The following NEBL variants were observed in gnomAD, a reference collection of about 807,000 sequenced individuals.
NEBL encodes nebulette, also known as LIM and SH3 protein 2.
A neutral mutation model predicts 140.2 loss-of-function variants in NEBL; 122 were observed. The observed-to-expected ratio is 0.87, with a 90% CI of 0.75 to 1.01. The LOEUF is 1.01. NEBL is among the 50% of genes least tolerant of loss of function. The pLI, the probability that NEBL is intolerant of heterozygous loss-of-function variation, is 0.00. For missense variants in NEBL, 1,365 were observed against 1,231.3 expected (o/e 1.11, Z -1.62); for synonymous variants, 436 against 398.9 (o/e 1.09, Z -1.11).
chr10:21,121,600 C>G (rs1377345379), intron 2 of NEBL, among the ~76,000 whole-genome samples: 1 of 152,160 alleles, frequency 6.6e-6, no homozygotes, highest in Non-Finnish European at 1.5e-5. Flanking sequence ...GAATCACTAT[C>G]AAGTTAGAAA....
At chr10:20,839,371 C>T (rs1360704995) in intron 13 of NEBL, among the ~76,000 whole-genome samples, 3 of 152,098 alleles carry the variant, frequency 2.0e-5, no homozygotes, top group Admixed American at 6.5e-5. Flanking sequence ...AATGTGATGA[C>T]AATGTTAGCC....
chr10:21,194,425 A>G (rs1286034740), intron 3 of NEBL, among the ~76,000 whole-genome samples: 1 of 152,228 alleles, frequency 6.6e-6, no homozygotes, highest in Admixed American at 6.5e-5. Context: ...ATTAAATCAT[A>G]GAGACTTTGA....
At chr10:20,921,815 A>G (rs2131502235) in intron 4 of NEBL, among the ~76,000 whole-genome samples, 1 of 152,056 alleles carries the variant, frequency 6.6e-6, no homozygotes, top group Admixed American at 6.6e-5. Flanking sequence ...ACACATGCAC[A>G]CCCCCACACA....
intron 3 of NEBL, among the ~76,000 whole-genome samples, chr10:21,213,380 G>C (rs1178415090): frequency 6.6e-6 from 1 of 152,130 alleles, no homozygotes; most frequent in African/African-American, 2.4e-5. Flanking sequence ...ATGTAGAGCT[G>C]GTTGAGTGCA....
intron 26 of NEBL, among the ~76,000 whole-genome samples, chr10:20,796,871 G>A (rs1251633017): frequency 6.6e-6 from 1 of 152,136 alleles, no homozygotes; most frequent in South Asian, 2.1e-4. Flanking sequence ...TATTCTCATG[G>A]CACAAAATCC....
Position 20,831,528 on chromosome 10 carries a change from C to T in NEBL, c.1505G>A (p.Ser502Asn). The change falls in exon 15 of 28, where the codon AGC becomes AAC. Residue 502 changes from serine (S) to asparagine (N), a missense_variant. Ser to Asn is a conservative substitution (Grantham distance 46). Around this residue, in one of 2 missense-constraint regions of NEBL, gnomAD observed 1,323 missense variants for 1,154.8 expected, o/e 1.15. Transcript: ENST00000377122. ...TEIKGKGMQV[S>N]TDTLDVQRAK... is the part of the protein sequence containing the mutation. ...TCTCTGGACATCAAGAGTGTCTGTG[C>T]TCACCTGCATCCCTTTCCCTTTAAT... 1.2e-6 allele frequency: 2 copies of T among 1,612,750 alleles called. No homozygotes were observed. The highest frequency in any genetic ancestry group is 1.1e-5 in the South Asian group (1 of 91,010).
chr10:20,916,202 G>A (rs1478909429), intron 4 of NEBL, among the ~76,000 whole-genome samples: 1 of 152,054 alleles, frequency 6.6e-6, no homozygotes, highest in Non-Finnish European at 1.5e-5. Context: ...AAGAACCATG[G>A]GTTATGGAGT....
At chr10:21,137,758 C>A (rs1450169468) in intron 2 of NEBL, among the ~76,000 whole-genome samples, 1 of 151,838 alleles carries the variant, frequency 6.6e-6, no homozygotes, top group East Asian at 1.9e-4. Context: ...CATAGTGAGA[C>A]CCCTCTGCCA....
chr10:21,062,120 GTTTAAT>G (rs1835331789), intron 2 of NEBL, among the ~76,000 whole-genome samples: 1 of 152,190 alleles, frequency 6.6e-6, no homozygotes, highest in Non-Finnish European at 1.5e-5. Context: ...ATCTTGTGAA[GTTTAAT>G]TTTATCAGTC....
intron 14 of NEBL, among the ~76,000 whole-genome samples, chr10:20,832,487 C>T (rs991583622): frequency 2.0e-5 from 3 of 151,962 alleles, no homozygotes; most frequent in Non-Finnish European, 2.9e-5. Flanking sequence ...GTCATAATTA[C>T]ATAGACACAC....
intron 2 of NEBL, among the ~76,000 whole-genome samples, chr10:21,062,151 T>C (rs1250275114): frequency 6.6e-6 from 1 of 152,242 alleles, no homozygotes; most frequent in African/African-American, 2.4e-5. Context: ...TTATATTTTA[T>C]GTGCCAAGTT....
chr10:20,831,635 C>T (rs1314574813), intron 14 of NEBL, 52 bp from the exon 15 acceptor site: 1 of 1,215,426 alleles, frequency 8.2e-7, no homozygotes, highest in Non-Finnish European at 1.2e-6. Context: ...TGAGAAACTG[C>T]TCAAAAATCG....
chr10:20,880,707 A>G (rs1845938117), intron 5 of NEBL, 87 bp downstream of exon 5: 2 of 964,698 alleles, frequency 2.1e-6, no homozygotes, highest in Non-Finnish European at 1.7e-6. Flanking sequence ...GGCTGTTGTA[A>G]TGTTTAAATT....
chr10:21,006,155 A>T (rs1838130791), intron 3 of NEBL, among the ~76,000 whole-genome samples: 1 of 152,158 alleles, frequency 6.6e-6, no homozygotes. Context: ...TTTGGTGCAG[A>T]TTATCAAAAT....
At chr10:20,806,128 G>A (rs767756209) in intron 26 of NEBL, among the ~76,000 whole-genome samples, 2 of 152,202 alleles carry the variant, frequency 1.3e-5, no homozygotes, top group Non-Finnish European at 2.9e-5. Flanking sequence ...GAGAAGGAAT[G>A]TGGGCTTAAG....
At chr10:21,117,998 C>T (rs972592349) in intron 2 of NEBL, among the ~76,000 whole-genome samples, 1 of 152,078 alleles carries the variant, frequency 6.6e-6, no homozygotes, top group African/African-American at 2.4e-5. Context: ...CATTGAACAT[C>T]ACTCCTAGCA....
In NEBL at chr10:20,868,412, C is replaced by T. The variant is rs370990811; in HGVS notation, c.684+252G>A. ...AATCCAGGGAAATGTGACAACATGG[C>T]TAGAGACATTGAAAAATGTTCAGAT... On this transcript the variant is annotated intron_variant, in intron 7 of 27. Coordinates refer to ENST00000377122, the MANE Select transcript of NEBL (RefSeq NM_006393.3). The T allele has an allele frequency of 1.1e-5, 5 of 460,744 alleles. No homozygotes were observed. In the Admixed American group the frequency reaches 1.4e-4, roughly 13 times the overall value. The allele number at this position is 460,744 out of a possible 1,614,324, so 28.5% of individuals were successfully genotyped here. A position where few individuals can be genotyped will look rare whatever the true frequency, so the allele number is the denominator to read the frequency against.
Position 20,783,745 on chromosome 10 carries a change from GA to G in NEBL, c.*2001del. The G allele has an allele frequency of 6.6e-6, 1 of 152,586 alleles. No homozygotes were observed. The highest frequency in any genetic ancestry group is 2.1e-4 in the South Asian group (1 of 4,816). 9.5% of individuals were successfully genotyped at this position (152,586 alleles called of 1,614,324 possible). A position where few individuals can be genotyped will look rare whatever the true frequency, so the allele number is the denominator to read the frequency against. The stretch of plus-strand genomic sequence containing the variant: ...CAGGTATTTTATCCTCAGTTTTAAC[GA>G]CAGATTTTTTTGCAAAAATATTGCA... On this transcript the variant is annotated 3_prime_UTR_variant, in exon 28 of 28. Transcript: ENST00000377122.
intron 2 of NEBL, among the ~76,000 whole-genome samples, chr10:21,033,692 A>T (rs1456278966): frequency 6.6e-6 from 1 of 150,870 alleles, no homozygotes; most frequent in African/African-American, 2.4e-5. Flanking sequence ...GTGAGTCAAG[A>T]TTGCACCACT....
Sources: allele counts gnomAD v4.1 joint callset (sites outside exome capture counted in the v4.1 genomes callset), GRCh38; gene constraint gnomAD v4.1.1; regional missense constraint gnomAD v4.1.1; transcripts MANE v1.5; gene names NCBI Gene and HGNC (gene_info 2026-07-23, HGNC 2026-07-21).